LAMA4: variants seen among roughly 807,000 people sequenced by gnomAD.
The protein encoded by LAMA4 is laminin subunit alpha 4.
In LAMA4, 127 loss-of-function variants were observed where a neutral mutation model predicts 207.1. The ratio of observed to expected loss-of-function variants is 0.61; its 90% CI spans 0.53 to 0.71. LAMA4 has a LOEUF of 0.71. LAMA4 is among the 30% of genes least tolerant of loss of function. LAMA4 has a pLI of 0.00. For missense variants in LAMA4, 2,093 were observed against 2,246.5 expected, an observed-to-expected ratio of 0.93 and a Z score of 1.38; for synonymous variants, 761 against 816.0, an observed-to-expected ratio of 0.93 and a Z score of 1.15.
intron 2 of LAMA4, among the ~76,000 whole-genome samples, chr6:112,232,373 A>G (rs536162060): frequency 6.6e-6 from 1 of 152,314 alleles, no homozygotes; most frequent in South Asian, 2.1e-4. Flanking sequence ...ATGGTATTCA[A>G]AATTGCTACA....
At chr6:112,143,287 T>TC (rs1161784767) in intron 19 of LAMA4, among the ~76,000 whole-genome samples, 2 of 140,604 alleles carry the variant, frequency 1.4e-5, no homozygotes, top group East Asian at 3.9e-4. Context: ...ACTAATACTT[T>TC]TTTTTTTTTT....
intron 3 of LAMA4, chr6:112,213,636 G>C: frequency 6.0e-6 from 1 of 167,962 alleles, no homozygotes; most frequent in Middle Eastern, 2.5e-3. Context: ...TTGCTTGCTT[G>C]ATATGTGTAA....
chr6:112,141,860 G>T (rs1177483388), intron 20 of LAMA4, among the ~76,000 whole-genome samples: 1 of 152,206 alleles, frequency 6.6e-6, no homozygotes, highest in Non-Finnish European at 1.5e-5. Context: ...CTTTCTGAAA[G>T]TCTTTGAGGT....
At chr6:112,198,607 C>T (rs1195448654) in intron 5 of LAMA4, among the ~76,000 whole-genome samples, 5 of 152,164 alleles carry the variant, frequency 3.3e-5, no homozygotes, top group Non-Finnish European at 7.3e-5. Context: ...ATACAACCTT[C>T]TCTAAGGTGG....
rs969216710 is a variant in LAMA4 at position 112,109,268 on chromosome 6, A to G, written c.*169T>C. 21 of 764,178 alleles carry G rather than the reference A, an allele frequency of 2.7e-5. No individual in the cohort carries two copies. The highest frequency in any genetic ancestry group is 2.6e-4 in the African/African-American group (15 of 57,504). The allele number at this position is 764,178 out of a possible 1,614,324, so 47.3% of individuals were successfully genotyped here. A position where few individuals can be genotyped will look rare whatever the true frequency, so the allele number is the denominator to read the frequency against. On this transcript the variant is annotated 3_prime_UTR_variant, in exon 39 of 39. Transcript: ENST00000230538. ...CAGACACTTTGGATTCAAGGTTAAGAATCCAAATGAGAAATAAGAAATATC... is the reference window on the plus strand; with the variant it reads ...CAGACACTTTGGATTCAAGGTTAAGGATCCAAATGAGAAATAAGAAATATC...
intron 5 of LAMA4, 125 bp downstream of exon 5, chr6:112,201,483 C>A: frequency 1.2e-6 from 1 of 854,194 alleles, no homozygotes; most frequent in Non-Finnish European, 2.0e-6. Context: ...GAAATGCAGT[C>A]CCTCAACCAC....
At chr6:112,178,285 T>C (rs1176562473) in intron 9 of LAMA4, 53 bp from the exon 10 acceptor site, 8 of 1,327,178 alleles carry the variant, frequency 6.0e-6, no homozygotes, top group Middle Eastern at 1.8e-4. Context: ...AAGAATGTTG[T>C]ATAAGCACAG....
chr6:112,167,852 A>T (rs1554340512), intron 12 of LAMA4, among the ~76,000 whole-genome samples: 1 of 60,920 alleles, frequency 1.6e-5, no homozygotes, highest in Non-Finnish European at 4.5e-5. Context: ...ACACACACAC[A>T]CACACACACA....
chr6:112,171,611 C>T (rs1353268927), intron 12 of LAMA4: 1 of 152,160 alleles, frequency 6.6e-6, no homozygotes, highest in Non-Finnish European at 1.5e-5. Flanking sequence ...AGAGTCCCAG[C>T]GACTATCTTA....
At chr6:112,198,498 C>T (rs1383419096) in intron 5 of LAMA4, among the ~76,000 whole-genome samples, 3 of 152,290 alleles carry the variant, frequency 2.0e-5, no homozygotes, top group South Asian at 2.1e-4. Flanking sequence ...AAACCCTCCT[C>T]TTAACCCCAG....
chr6:112,252,578 G>A (rs7766787), intron 2 of LAMA4, among the ~76,000 whole-genome samples: 24,644 of 152,076 alleles, frequency 0.16, 2,175 homozygotes, highest in East Asian at 0.28. Flanking sequence ...TTTGGGATGT[G>A]ATCAAAATTC....
In LAMA4 at chr6:112,142,272, A is replaced by T. The variant is rs781920620; in HGVS notation, c.2514T>A (p.Phe838Leu). 6.2e-7 allele frequency: 1 copy of T among 1,614,004 alleles called. No individual in the cohort carries two copies. The highest frequency in any genetic ancestry group is 8.5e-7 in the Non-Finnish European group (1 of 1,180,014). The change falls in exon 20 of 39, where the codon TTT becomes TTA. Residue 838 changes from phenylalanine to leucine, a missense_variant. Physicochemically the swap from Phe to Leu is conservative, Grantham distance 22. Around this residue, in one of 3 missense-constraint regions of LAMA4, gnomAD observed 1,704 missense variants for 1,788.4 expected, o/e 0.95. Coordinates refer to ENST00000230538, the MANE Select transcript of LAMA4 (RefSeq NM_001105206.3). The stretch of plus-strand genomic sequence containing the variant: ...GCACTTCCACAGCTGACTGGCCATC[A>T]AACATCATGGAGACTTGGATCTGGA... ...VASKIQVSMM[F>L]DGQSAVEVHS...
intron 13 of LAMA4, 40 bp downstream of exon 13, chr6:112,165,117 CCTG>C (rs1299372887): frequency 1.9e-6 from 2 of 1,080,924 alleles, no homozygotes. Context: ...GCTGTTGTAA[CCTG>C]CTGGAAATAC....
Position 112,178,150 on chromosome 6 carries a change from T to G in LAMA4, c.1160A>C (p.Gln387Pro). 6.2e-7 allele frequency: 1 copy of G among 1,613,732 alleles called. No homozygotes were observed. The highest frequency in any genetic ancestry group is 1.3e-5 in the African/African-American group (1 of 75,042). ...GATTTTATCCCTCATATCATGGGCT[T>G]GCTCTACCAGCTGACTTGCGTGGTT... ...TINHASQLVE[Q>P]AHDMRDKIQE... The change falls in exon 10 of 39, where the codon CAA (glutamine) becomes CCA (proline). Residue 387 changes from glutamine (Q) to proline (P), a missense_variant. Transcript: ENST00000230538.
chr6:112,238,810 C>T (rs537025229), intron 2 of LAMA4, among the ~76,000 whole-genome samples: 1 of 152,240 alleles, frequency 6.6e-6, no homozygotes, highest in South Asian at 2.1e-4. Context: ...AAAGTTAAAA[C>T]AGGGCAATTA....
intron 16 of LAMA4, among the ~76,000 whole-genome samples, chr6:112,152,230 TTTC>T (rs1237096438): frequency 6.6e-6 from 1 of 152,130 alleles, no homozygotes; most frequent in African/African-American, 2.4e-5. Flanking sequence ...AGTGGTGTTA[TTTC>T]TTCTTTAAAT....
chr6:112,155,869 T>A, intron 14 of LAMA4, 163 bp from the exon 15 acceptor site: 1 of 743,872 alleles, frequency 1.3e-6, no homozygotes. Context: ...ACACCTCCTC[T>A]GCATTCTTCT....
intron 8 of LAMA4, 70 bp from the exon 9 acceptor site, chr6:112,185,417 T>A: frequency 1.1e-6 from 1 of 922,868 alleles, no homozygotes; most frequent in Admixed American, 1.7e-5. Context: ...ATAAAACTCT[T>A]TCAGTGTAAG....
rs1291328403 is a variant in LAMA4 at position 112,178,205 on chromosome 6, G to T, written c.1105C>A (p.Leu369Ile). The change falls in exon 10 of 39, where the codon CTT becomes ATT. Residue 369 changes from leucine (L) to isoleucine (I), a missense_variant. By Grantham distance (5) the Leu-to-Ile change is conservative. Around this residue, in one of 3 missense-constraint regions of LAMA4, gnomAD observed 1,704 missense variants for 1,788.4 expected, o/e 0.95. Coordinates refer to ENST00000230538, the MANE Select transcript of LAMA4 (RefSeq NM_001105206.3). ...KENQASRKGQ[L>I]VQKESMDTIN... The stretch of plus-strand genomic sequence containing the variant: ...GTGTCCATGCTTTCCTTCTGAACAA[G>T]TTGTCCTTTTCTGGAGGCTTGATTT... The T allele has an allele frequency of 2.5e-6, 4 of 1,613,692 alleles. No individual in the cohort carries two copies. In the Admixed American group the frequency reaches 6.7e-5, roughly 27 times the overall value.
Sources: allele counts gnomAD v4.1 joint callset (sites outside exome capture counted in the v4.1 genomes callset), GRCh38; gene constraint gnomAD v4.1.1; regional missense constraint gnomAD v4.1.1; transcripts MANE v1.5; gene names NCBI Gene and HGNC (gene_info 2026-07-23, HGNC 2026-07-21).